The following CAMSAP2 variants were observed in gnomAD, a reference collection of about 807,000 sequenced individuals.
CAMSAP2 encodes the protein calmodulin regulated spectrin associated protein family member 2, also known as calmodulin-regulated spectrin-associated protein 2.
A neutral mutation model predicts 146.1 loss-of-function variants in CAMSAP2; 26 were observed. The ratio of observed to expected loss-of-function variants is 0.18; its 90% CI spans 0.13 to 0.25. The LOEUF (loss-of-function observed/expected upper bound fraction) is 0.25. Ranked by LOEUF, CAMSAP2 falls within the 10% of genes least tolerant of loss-of-function variation. The pLI is 1.00. For synonymous variants in CAMSAP2, 499 were observed against 596.6 expected (o/e 0.84, Z 2.38); for missense variants, 1,381 against 1,759.3 (o/e 0.78, Z 3.85).
intron 2 of CAMSAP2, among the ~76,000 whole-genome samples, chr1:200,806,194 A>G (rs1030942591): frequency 2.0e-5 from 3 of 152,218 alleles, no homozygotes; most frequent in African/African-American, 2.4e-5. Context: ...TGCTACCTCA[A>G]TGACAGAAGG....
chr1:200,741,649 A>G (rs1364784141), intron 1 of CAMSAP2, among the ~76,000 whole-genome samples: 1 of 152,244 alleles, frequency 6.6e-6, no homozygotes, highest in Non-Finnish European at 1.5e-5. Flanking sequence ...AAATTTTGCC[A>G]TGCATACACA....
intron 6 of CAMSAP2, among the ~76,000 whole-genome samples, chr1:200,837,733 T>A (rs1223264792): frequency 6.6e-6 from 1 of 152,202 alleles, no homozygotes; most frequent in Non-Finnish European, 1.5e-5. Context: ...TTTGTTTGTA[T>A]CATCTCTGAT....
chr1:200,847,312 C>A lies in CAMSAP2; in HGVS notation c.1192+20C>A. On this transcript the variant is annotated intron_variant, in intron 9 of 16. Transcript: ENST00000358823. ...CCTCAGGTAATATATTTGAAAAAGC[C>A]TAGGAAAATACTCTTTTAAGTAGGT... 6.5e-7 allele frequency: 1 copy of A among 1,536,284 alleles called. No homozygotes were observed.
rs1300303425 is a variant in CAMSAP2, at chr1:200,832,503, G to A, written c.787+162G>A. Among the ~76,000 whole-genome samples the A allele has an allele frequency of 1.3e-5, 2 of 151,624 alleles. No homozygotes were observed. Among genetic ancestry groups the A allele is most frequent in the East Asian group, 1.9e-4 (1 of 5,184 alleles). ...CTGAAGACTTTTTTTTAAAAATAAA[G>A]AACATTTATATATAATTCTGAGGGA... On this transcript the variant is annotated intron_variant, in intron 5 of 16. Transcript: ENST00000358823. The surrounding 1 kb of genome is among the most constrained non-coding windows in gnomAD (Gnocchi z 4.2).
intron 2 of CAMSAP2, among the ~76,000 whole-genome samples, chr1:200,763,157 C>G (rs957048354): frequency 1.1e-4 from 16 of 152,178 alleles, no homozygotes; most frequent in Non-Finnish European, 2.9e-5. Context: ...ACCTCAGCCT[C>G]TCAATATGCT....
At position 200,847,255 on chromosome 1, in the gene CAMSAP2, T is replaced by G; in HGVS notation, c.1155T>G (p.Ser385=). The stretch of plus-strand genomic sequence containing the variant: ...CACAGTCTCATCATCATTTGCCTTC[T>G]AGGTATTCACGTCCCCAGGCTCATT... ...TFTQSHHHLP[S]RYSRPQAHSS... The change falls in exon 9 of 17, where the codon TCT becomes TCG. Residue 385 remains serine, a synonymous_variant. Coordinates refer to ENST00000358823, the MANE Select transcript of CAMSAP2 (RefSeq NM_203459.4). 1.9e-6 allele frequency: 3 copies of G among 1,612,620 alleles called. No homozygotes were observed. The highest frequency in any genetic ancestry group is 2.5e-6 in the Non-Finnish European group (3 of 1,179,308).
At chr1:200,800,030 A>C (rs1475887706) in intron 2 of CAMSAP2, among the ~76,000 whole-genome samples, 1 of 152,140 alleles carries the variant, frequency 6.6e-6, no homozygotes, top group African/African-American at 2.4e-5. Flanking sequence ...GTGGTCTGAG[A>C]GACTGTTTGT....
Position 200,853,594 on chromosome 1 carries a change from C to A in CAMSAP2, c.3823+99C>A. On this transcript the variant is annotated intron_variant, in intron 13 of 16. Coordinates refer to ENST00000358823, the MANE Select transcript of CAMSAP2 (RefSeq NM_203459.4). The surrounding 1 kb of genome is among the most constrained non-coding windows in gnomAD (Gnocchi z 5.1). Reference sequence around the variant, plus strand: ...GTACTTTGATGTGCAAAATTGGATACACAGTTTGAGATTGTGCATGCTCCC... The same window carrying A: ...GTACTTTGATGTGCAAAATTGGATAAACAGTTTGAGATTGTGCATGCTCCC... 1 of 909,292 alleles carries A rather than the reference C, an allele frequency of 1.1e-6. No individual in the cohort carries two copies. Among genetic ancestry groups the A allele is most frequent in the Non-Finnish European group, 1.7e-6 (1 of 590,920 alleles). The allele number at this position is 909,292 out of a possible 1,614,324, so 56.3% of individuals were successfully genotyped here. A position where few individuals can be genotyped will look rare whatever the true frequency, so the allele number is the denominator to read the frequency against.
In CAMSAP2 at chr1:200,849,755, C is replaced by T. The variant is rs1245032037; in HGVS notation, c.2986C>T (p.Arg996Trp). ...TTTGAATCGAACCTTGACACCTCCT[C>T]GGTCTGTGGATAGCCTTCCTCGGTT... ...TPLNRTLTPPRSVDSLPRLRR... is the reference protein window; with the variant it reads ...TPLNRTLTPPWSVDSLPRLRR... Residue 996 changes from arginine to tryptophan, a missense_variant, in exon 11 of 17, where the codon CGG (arginine) becomes TGG (tryptophan). Arg to Trp is a moderately radical substitution (Grantham distance 101, BLOSUM62 -3). Transcript: ENST00000358823. The surrounding 1 kb of genome is among the most constrained non-coding windows in gnomAD (Gnocchi z 6.3). 4 of 1,614,148 alleles carry T rather than the reference C, an allele frequency of 2.5e-6. No individual in the cohort carries two copies. Among genetic ancestry groups the T allele is most frequent in the Admixed American group, 1.7e-5 (1 of 60,020 alleles).
intron 2 of CAMSAP2, among the ~76,000 whole-genome samples, chr1:200,797,431 G>A (rs1558181808): frequency 6.6e-6 from 1 of 150,562 alleles, no homozygotes; most frequent in Non-Finnish European, 1.5e-5. Flanking sequence ...GCGATGGTGA[G>A]CATTTTTTCA....
At position 200,857,182 on chromosome 1, in the gene CAMSAP2, G is replaced by A; in HGVS notation, c.4013-124G>A. ...ATTGCAGCCAGTAAGAGGCCTTTAAGCACAGAATTTGGTCTTCTATTACAA... is the reference window on the plus strand; with the variant it reads ...ATTGCAGCCAGTAAGAGGCCTTTAAACACAGAATTTGGTCTTCTATTACAA... On this transcript the variant is annotated intron_variant, in intron 15 of 16. Coordinates refer to ENST00000358823, the MANE Select transcript of CAMSAP2 (RefSeq NM_203459.4). This position sits in a 1 kb window ranked among gnomAD's most constrained non-coding sequence, Gnocchi z 4.7. 7.0e-6 allele frequency: 5 copies of A among 718,062 alleles called. No homozygotes were observed. Among genetic ancestry groups the A allele is most frequent in the Non-Finnish European group, 1.2e-5 (5 of 415,154 alleles). 44.5% of individuals were successfully genotyped at this position (718,062 alleles called of 1,614,324 possible). A position where few individuals can be genotyped will look rare whatever the true frequency, so the allele number is the denominator to read the frequency against.
At chr1:200,804,785 A>C (rs1666129811) in intron 2 of CAMSAP2, among the ~76,000 whole-genome samples, 2 of 152,228 alleles carry the variant, frequency 1.3e-5, no homozygotes, top group African/African-American at 4.8e-5. Flanking sequence ...TACTTCTTAG[A>C]GGAGATTGAA....
intron 6 of CAMSAP2, among the ~76,000 whole-genome samples, chr1:200,837,381 C>G (rs1667210905): frequency 6.6e-6 from 1 of 152,040 alleles, no homozygotes; most frequent in African/African-American, 2.4e-5. Context: ...TCAGCTTTTT[C>G]AAAGATCAGA....
intron 1 of CAMSAP2, among the ~76,000 whole-genome samples, chr1:200,751,410 C>T (rs116832959): frequency 0.025 from 3,851 of 151,422 alleles, 169 homozygotes; most frequent in African/African-American, 0.087. Flanking sequence ...GTGGTGGGCA[C>T]CTGTGATCCT....
At chr1:200,844,341 A>G (rs1000481675) in intron 7 of CAMSAP2, among the ~76,000 whole-genome samples, 3 of 151,894 alleles carry the variant, frequency 2.0e-5, no homozygotes, top group Non-Finnish European at 4.4e-5. Flanking sequence ...CAAGGTCAAG[A>G]GTTCGAGACC....
chr1:200,834,006 G>A (rs951135669), intron 6 of CAMSAP2, among the ~76,000 whole-genome samples: 1 of 151,946 alleles, frequency 6.6e-6, no homozygotes, highest in Admixed American at 6.6e-5. Context: ...ATTTCACATG[G>A]GTAGTATTAT....
At chr1:200,820,921 CGT>C (rs1442045190) in intron 4 of CAMSAP2, among the ~76,000 whole-genome samples, 2 of 152,018 alleles carry the variant, frequency 1.3e-5, no homozygotes, top group Non-Finnish European at 2.9e-5. Flanking sequence ...TAATTTTTAA[CGT>C]ATAATTTTGT....
rs375873170 is a variant in CAMSAP2, at chr1:200,835,094, A to G, written c.927+2249A>G. On this transcript the variant is annotated intron_variant, in intron 6 of 16. Coordinates refer to ENST00000358823, the MANE Select transcript of CAMSAP2 (RefSeq NM_203459.4). Reference sequence around the variant, plus strand: ...TATGCAGTTTTAGTTCTGGTAAACCATTTGGAAGCAGACTGGGGAAACGAA... The same window carrying G: ...TATGCAGTTTTAGTTCTGGTAAACCGTTTGGAAGCAGACTGGGGAAACGAA... 5.3e-5 allele frequency among the ~76,000 whole-genome samples: 8 copies of G among 152,340 alleles called. No homozygotes were observed. The East Asian group carries it at 9.6e-4, about 18-fold the overall frequency.
At chr1:200,807,873 T>C (rs999835092) in intron 3 of CAMSAP2, among the ~76,000 whole-genome samples, 1 of 151,890 alleles carries the variant, frequency 6.6e-6, no homozygotes, top group Non-Finnish European at 1.5e-5. Flanking sequence ...CCCAAGTAGC[T>C]GGGATTACAG....
Sources: gnomAD v4.1 joint callset for allele counts (sites outside exome capture counted in the v4.1 genomes callset) on GRCh38, gnomAD v4.1.1 for gene constraint, Gnocchi (gnomAD v3.1) non-coding constraint, MANE v1.5 for transcripts, NCBI Gene and HGNC (gene_info 2026-07-23, HGNC 2026-07-21) for gene names.